The following SPTLC3 variants were observed in gnomAD, a reference collection of about 807,000 sequenced individuals.
SPTLC3 encodes serine palmitoyltransferase 3.
A neutral mutation model predicts 59.3 loss-of-function variants in SPTLC3; 36 were observed. The observed-to-expected ratio is 0.61, with a 90% CI of 0.47 to 0.80. The LOEUF (loss-of-function observed/expected upper bound fraction) is 0.80, where lower values mean the gene tolerates loss of function less well. Among genes scored for constraint, SPTLC3 ranks in the 30% least tolerant of loss-of-function variants. SPTLC3 has a pLI of 0.00. For synonymous variants in SPTLC3, 257 were observed against 240.8 expected (o/e 1.07, Z -0.62); for missense variants, 625 against 685.1 (o/e 0.91, Z 0.98).
intron 1 of SPTLC3, among the ~76,000 whole-genome samples, chr20:13,012,534 G>T (rs371143491): frequency 6.6e-6 from 1 of 152,306 alleles, no homozygotes; most frequent in South Asian, 2.1e-4. Context: ...CCATAAAGCA[G>T]ACATAACTTG....
chr20:13,122,743 T>C (rs2037895903), intron 8 of SPTLC3, among the ~76,000 whole-genome samples: 2 of 152,242 alleles, frequency 1.3e-5, no homozygotes, highest in Non-Finnish European at 2.9e-5. Flanking sequence ...TTATTATCTC[T>C]TCAGGGTCAT....
intron 9 of SPTLC3, among the ~76,000 whole-genome samples, chr20:13,141,696 C>T (rs139209389): frequency 4.6e-5 from 7 of 152,274 alleles, no homozygotes; most frequent in East Asian, 1.9e-4. Flanking sequence ...CTGGAGAGAC[C>T]GAAAGAGGCT....
At chr20:13,122,574 C>A (rs1383358799) in intron 8 of SPTLC3, among the ~76,000 whole-genome samples, 1 of 152,202 alleles carries the variant, frequency 6.6e-6, no homozygotes, top group Non-Finnish European at 1.5e-5. Flanking sequence ...ATTGTGTAAA[C>A]TTTTCTGTGA....
intron 2 of SPTLC3, among the ~76,000 whole-genome samples, chr20:13,071,974 C>A (rs962805947): frequency 6.6e-6 from 1 of 152,206 alleles, no homozygotes; most frequent in African/African-American, 2.4e-5. Context: ...ACCTGTGTTA[C>A]CCTTAGAGAA....
intron 1 of SPTLC3, among the ~76,000 whole-genome samples, chr20:13,040,444 C>T (rs1242336940): frequency 1.3e-5 from 2 of 151,970 alleles, no homozygotes; most frequent in Non-Finnish European, 2.9e-5. Context: ...CTGCAACCTC[C>T]ACCTCCTGGG....
chr20:13,017,634 T>A (rs1196117949), intron 1 of SPTLC3, among the ~76,000 whole-genome samples: 2 of 152,230 alleles, frequency 1.3e-5, no homozygotes, highest in Middle Eastern at 3.2e-3. Context: ...TGATTTTTTT[T>A]AGCTTATCAG....
chr20:13,128,902 G>A (rs1302045561), intron 9 of SPTLC3, among the ~76,000 whole-genome samples: 1 of 137,956 alleles, frequency 7.2e-6, no homozygotes, highest in Admixed American at 7.6e-5. Context: ...TGGAGACAGA[G>A]TTTCGCTCTT....
At position 13,118,460 on chromosome 20, in the gene SPTLC3, C is replaced by CA. The variant is rs3041745; in HGVS notation, c.1152+744dup. 1.6e-3 allele frequency among the ~76,000 whole-genome samples: 209 copies of CA among 127,668 alleles called. 2 individuals are homozygous for CA. Among genetic ancestry groups the CA allele is most frequent in the East Asian group, 0.012 (56 of 4,514 alleles). The allele number at this position is 127,668 out of a possible 152,430, so 83.8% of individuals were successfully genotyped here. A position where few individuals can be genotyped will look rare whatever the true frequency, so the allele number is the denominator to read the frequency against. On this transcript the variant is annotated intron_variant, in intron 8 of 11. Transcript: ENST00000399002. ...CCAAGAGGTTTGTGGAAAAAAAAAACAAAAAAAAACAATAAATATTTGAGA... is the reference window on the plus strand; with the variant it reads ...CCAAGAGGTTTGTGGAAAAAAAAAACAAAAAAAAAACAATAAATATTTGAGA...
At chr20:13,071,074 G>A (rs905293704) in intron 2 of SPTLC3, among the ~76,000 whole-genome samples, 6 of 152,104 alleles carry the variant, frequency 3.9e-5, no homozygotes, top group African/African-American at 1.2e-4. Context: ...TGGCTTAGAC[G>A]ACAGTTACCA....
intron 1 of SPTLC3, among the ~76,000 whole-genome samples, chr20:13,023,755 T>C (rs1315654357): frequency 1.3e-5 from 2 of 152,180 alleles, no homozygotes; most frequent in East Asian, 1.9e-4. Flanking sequence ...TATCCAGATA[T>C]GATATACTCC....
At chr20:13,031,959 C>T (rs951586878) in intron 1 of SPTLC3, among the ~76,000 whole-genome samples, 5 of 152,120 alleles carry the variant, frequency 3.3e-5, no homozygotes, top group East Asian at 3.9e-4. Context: ...TCTCTTATTA[C>T]GTGAAGATGA....
intron 1 of SPTLC3, among the ~76,000 whole-genome samples, chr20:13,009,790 T>C (rs891262305): frequency 1.3e-5 from 2 of 152,216 alleles, no homozygotes; most frequent in Admixed American, 1.3e-4. Context: ...GCTGACATTA[T>C]GTGGTGGAGA....
At chr20:13,163,926 T>C (rs1371922925) in intron 11 of SPTLC3, among the ~76,000 whole-genome samples, 1 of 152,182 alleles carries the variant, frequency 6.6e-6, no homozygotes, top group African/African-American at 2.4e-5. Context: ...TAATATACTT[T>C]AAGTTTTAGG....
intron 2 of SPTLC3, among the ~76,000 whole-genome samples, chr20:13,062,443 C>G (rs1267567082): frequency 7.2e-5 from 11 of 152,152 alleles, no homozygotes. Flanking sequence ...TATATATGTA[C>G]AAGATATATA....
At chr20:13,026,678 A>G (rs1568568577) in intron 1 of SPTLC3, among the ~76,000 whole-genome samples, 1 of 152,336 alleles carries the variant, frequency 6.6e-6, no homozygotes, top group East Asian at 1.9e-4. Context: ...AGGTGCGAAC[A>G]AAGTGCAGTG....
chr20:13,073,784 C>T, intron 3 of SPTLC3: 2 of 599,346 alleles, frequency 3.3e-6, no homozygotes, highest in Non-Finnish European at 6.6e-6. Context: ...AGCCAGCCTG[C>T]ACTGGTCCTG....
At chr20:13,093,053 C>G (rs141330672) in intron 5 of SPTLC3, among the ~76,000 whole-genome samples, 152 of 152,186 alleles carry the variant, frequency 1.0e-3, no homozygotes, top group Middle Eastern at 3.4e-3. Context: ...GAAGTAAGAG[C>G]TTGAATTGTC....
chr20:13,009,422 T>C (rs1985112500), intron 1 of SPTLC3, 38 bp downstream of exon 1: 1 of 1,531,208 alleles, frequency 6.5e-7, no homozygotes, highest in Non-Finnish European at 9.0e-7. Flanking sequence ...CTGAATTACC[T>C]GAACGTTTCA....
intron 4 of SPTLC3, among the ~76,000 whole-genome samples, chr20:13,090,035 T>C (rs964054254): frequency 6.6e-6 from 1 of 152,188 alleles, no homozygotes; most frequent in African/African-American, 2.4e-5. Flanking sequence ...ATTCAGTTTC[T>C]CAATTGCACT....
Sources: allele counts gnomAD v4.1 joint callset (sites outside exome capture counted in the v4.1 genomes callset), GRCh38; gene constraint gnomAD v4.1.1; transcripts MANE v1.5; gene names NCBI Gene and HGNC (gene_info 2026-07-23, HGNC 2026-07-21).